The following PCDHGA3 variants were observed in gnomAD, a reference collection of about 807,000 sequenced individuals.
PCDHGA3 encodes protocadherin gamma subfamily A, 3.
A neutral mutation model predicts 58.5 loss-of-function variants in PCDHGA3; 40 were observed. The observed-to-expected ratio is 0.68, with a 90% CI of 0.53 to 0.89. The LOEUF is 0.89. Ranked by LOEUF, PCDHGA3 falls within the 40% of genes least tolerant of loss-of-function variation. The pLI is 0.00. For missense variants in PCDHGA3, 1,223 were observed against 1,195.9 expected (o/e 1.02, Z -0.33); for synonymous variants, 530 against 525.7 (o/e 1.01, Z -0.11).
chr5:141,464,419 A>G (rs2099083824), intron 1 of PCDHGA3, among the ~76,000 whole-genome samples: 1 of 151,768 alleles, frequency 6.6e-6, no homozygotes, highest in South Asian at 2.1e-4. Context: ...ATATATCTAT[A>G]TATATAGATA....
At chr5:141,384,312 T>A in intron 1 of PCDHGA3, 1 of 1,613,806 alleles carries the variant, frequency 6.2e-7, no homozygotes. Flanking sequence ...GGGCCTCCAT[T>A]TTCTTAGTGA....
intron 1 of PCDHGA3, among the ~76,000 whole-genome samples, chr5:141,458,339 T>A (rs1380637284): frequency 2.0e-5 from 3 of 150,846 alleles, no homozygotes; most frequent in Non-Finnish European, 3.0e-5. Context: ...TTTTAAGGAG[T>A]GGAGAGTTTA....
Position 141,456,465 on chromosome 5 carries a change from C to T in PCDHGA3, c.2425-38342C>T, listed in dbSNP as rs553441797. ...ACAGAGTCCAAATATCAATACAAGA[C>T]ATATAAGCAAGAGAGTGCTTAATAA... On this transcript the variant is annotated intron_variant, in intron 1 of 3. Coordinates refer to ENST00000253812, the MANE Select transcript of PCDHGA3 (RefSeq NM_018916.4). 2.6e-5 allele frequency among the ~76,000 whole-genome samples: 4 copies of T among 152,212 alleles called. No homozygotes were observed. In the East Asian group the frequency reaches 7.7e-4, roughly 29 times the overall value.
chr5:141,405,010 CT>C (rs2094596164), intron 1 of PCDHGA3: 3 of 1,614,014 alleles, frequency 1.9e-6, no homozygotes, highest in Non-Finnish European at 2.5e-6. Context: ...ACCTGGAGGC[CT>C]CAGACCTTAC....
At chr5:141,421,184 C>G (rs2096551183) in intron 1 of PCDHGA3, 1 of 1,457,940 alleles carries the variant, frequency 6.9e-7, no homozygotes, top group African/African-American at 1.4e-5. Context: ...CGATTCACAA[C>G]CAACCAGCTC....
rs545232987 is a variant in PCDHGA3 at position 141,484,750 on chromosome 5, G to GTA, written c.2425-10043_2425-10042dup. 2.3e-3 allele frequency among the ~76,000 whole-genome samples: 340 copies of GTA among 149,860 alleles called. 1 individual carries two copies. Among genetic ancestry groups the GTA allele is most frequent in the South Asian group, 1.0e-2 (47 of 4,704 alleles). On this transcript the variant is annotated intron_variant, in intron 1 of 3. Coordinates refer to ENST00000253812, the MANE Select transcript of PCDHGA3 (RefSeq NM_018916.4). ...CAGTCGGTGTGTTAGGAAAAAAAAT[G>GTA]TATATATATATATATGTTGTCTGCC...
chr5:141,350,521 A>G, intron 1 of PCDHGA3: 2 of 1,614,060 alleles, frequency 1.2e-6, no homozygotes, highest in Non-Finnish European at 1.7e-6. Context: ...ACGGTAGGAT[A>G]GATCGAGAGA....
intron 1 of PCDHGA3, chr5:141,357,547 G>T (rs763777724): frequency 2.4e-5 from 38 of 1,614,096 alleles, no homozygotes; most frequent in South Asian, 2.2e-4. Context: ...CATCAGCCGG[G>T]AGAGTTGTGA....
intron 1 of PCDHGA3, chr5:141,427,758 A>T: frequency 7.4e-7 from 1 of 1,345,378 alleles, no homozygotes; most frequent in Non-Finnish European, 1.1e-6. Context: ...CATCGTTACC[A>T]CTGACTTGGA....
intron 1 of PCDHGA3, chr5:141,405,635 C>T (rs539370352): frequency 1.3e-4 from 69 of 526,234 alleles, no homozygotes; most frequent in Non-Finnish European, 1.9e-4. Context: ...CCACCACGCC[C>T]GGCTAATTTT....
chr5:141,508,026 T>A (rs972124070), intron 3 of PCDHGA3: 3 of 152,314 alleles, frequency 2.0e-5, no homozygotes, highest in African/African-American at 7.2e-5. Context: ...GGCTGCGGTT[T>A]GCAGCTCAGC....
intron 1 of PCDHGA3, among the ~76,000 whole-genome samples, chr5:141,452,253 T>G (rs2098736880): frequency 6.6e-6 from 1 of 152,166 alleles, no homozygotes; most frequent in Admixed American, 6.5e-5. Context: ...TTGCCATAAC[T>G]CTCTCATTTT....
chr5:141,399,091 G>A (rs1299050213), intron 1 of PCDHGA3: 2 of 1,613,762 alleles, frequency 1.2e-6, no homozygotes, highest in South Asian at 1.1e-5. Context: ...GGATGGTGGT[G>A]GACTGGTTGC....
chr5:141,363,918 A>G (rs935421422), intron 1 of PCDHGA3, among the ~76,000 whole-genome samples: 6 of 152,216 alleles, frequency 3.9e-5, no homozygotes, highest in African/African-American at 1.4e-4. Flanking sequence ...AAATTTTTGT[A>G]AGGTATTGAG....
At chr5:141,367,743 A>T (rs1765311157) in intron 1 of PCDHGA3, 1 of 152,154 alleles carries the variant, frequency 6.6e-6, no homozygotes, top group African/African-American at 2.4e-5. Flanking sequence ...GCCTCCAGAG[A>T]GTTACATACT....
At chr5:141,484,989 T>C (rs1295192640) in intron 1 of PCDHGA3, 4 of 604,024 alleles carry the variant, frequency 6.6e-6, no homozygotes, top group Non-Finnish European at 1.2e-5. Context: ...AATCGGGTGG[T>C]GAAAGGCAGA....
intron 1 of PCDHGA3, among the ~76,000 whole-genome samples, chr5:141,448,728 C>T (rs575604763): frequency 6.6e-6 from 1 of 151,986 alleles, no homozygotes; most frequent in Non-Finnish European, 1.5e-5. Context: ...ATCACGAGGT[C>T]AGGAGATCGA....
chr5:141,364,519 A>G, intron 1 of PCDHGA3: 1 of 1,614,016 alleles, frequency 6.2e-7, no homozygotes, highest in Non-Finnish European at 8.5e-7. Context: ...CGGAGCGCGG[A>G]GTCCGCATCG....
intron 1 of PCDHGA3, among the ~76,000 whole-genome samples, chr5:141,425,382 G>A (rs1455106607): frequency 1.3e-5 from 2 of 152,208 alleles, no homozygotes; most frequent in African/African-American, 4.8e-5. Context: ...TTGATTCGGA[G>A]GTAGTGATAA....
Sources: allele counts gnomAD v4.1 joint callset (sites outside exome capture counted in the v4.1 genomes callset), GRCh38; gene constraint gnomAD v4.1.1; transcripts MANE v1.5; gene names NCBI Gene and HGNC (gene_info 2026-07-23, HGNC 2026-07-21).